The following FBRSL1 variants were observed in gnomAD, a reference collection of about 807,000 sequenced individuals.
The protein encoded by FBRSL1 is fibrosin like 1.
Under a neutral mutation model 89.6 loss-of-function variants are expected in FBRSL1, and 51 were observed. The ratio of observed to expected loss-of-function variants is 0.57; its 90% CI spans 0.45 to 0.72. The LOEUF (loss-of-function observed/expected upper bound fraction) is 0.72, where lower values mean the gene tolerates loss of function less well. Ranked by LOEUF, FBRSL1 falls within the 30% of genes least tolerant of loss-of-function variation. FBRSL1 has a pLI of 0.00. For synonymous variants in FBRSL1, 779 were observed against 681.1 expected (o/e 1.14, Z -2.24); for missense variants, 1,618 against 1,451.8 (o/e 1.11, Z -1.86).
At chr12:132,527,776 G>GGGGCTGCC (rs1159139181) in intron 3 of FBRSL1, among the ~76,000 whole-genome samples, 177 bp from the exon 4 acceptor site, 1 of 146,694 alleles carries the variant, frequency 6.8e-6, no homozygotes, top group Non-Finnish European at 1.5e-5. Context: ...TGTGGGCTGC[G>GGGGCTGCC]GGGCTGCCGG....
intron 4 of FBRSL1, among the ~76,000 whole-genome samples, chr12:132,537,691 G>T (rs1005230172): frequency 2.6e-5 from 4 of 152,190 alleles, no homozygotes; most frequent in Non-Finnish European, 4.4e-5. Context: ...CTTTGTGACA[G>T]TTGGGAGCCC....
chr12:132,555,066 C>G (rs1024656495), intron 5 of FBRSL1: 6 of 152,368 alleles, frequency 3.9e-5, no homozygotes, highest in Non-Finnish European at 8.8e-5. Flanking sequence ...CGACCTCCAC[C>G]GCAGACGACC....
Position 132,570,153 on chromosome 12 carries a change from C to G in FBRSL1, c.919C>G (p.Arg307Gly), listed in dbSNP as rs554905966. The change falls in exon 7 of 19, where the codon CGC becomes GGC. Residue 307 changes from arginine (R) to glycine (G), a missense_variant. Physicochemically the swap from Arg to Gly is moderately radical, Grantham distance 125. Transcript: ENST00000680143. Reference protein sequence around the residue: ...HTPQPPPPQPRGLLPTHVPAS... With the variant: ...HTPQPPPPQPGGLLPTHVPAS... ...CCCGCAGCCGCCACCCCCGCAGCCCCGCGGCCTGCTCCCGACACACGTGCC... is the reference window on the plus strand; with the variant it reads ...CCCGCAGCCGCCACCCCCGCAGCCCGGCGGCCTGCTCCCGACACACGTGCC... 4 of 1,491,718 alleles carry G rather than the reference C, an allele frequency of 2.7e-6. No homozygotes were observed. In the Admixed American group the frequency reaches 6.9e-5, roughly 26 times the overall value. The allele number at this position is 1,491,718 out of a possible 1,614,324, so 92.4% of individuals were successfully genotyped here.
At position 132,514,020 on chromosome 12, in the gene FBRSL1, C is replaced by A. The variant is rs868114995; in HGVS notation, c.489+5670C>A. Among the ~76,000 whole-genome samples the A allele has an allele frequency of 5.9e-5, 9 of 152,342 alleles. No homozygotes were observed. The Middle Eastern group carries it at 0.017, about 288-fold the overall frequency. On this transcript the variant is annotated intron_variant, in intron 2 of 18. Transcript: ENST00000680143. The stretch of plus-strand genomic sequence containing the variant: ...AGGTGAATAGCCACAGTCCCTCCCC[C>A]AGGCCCTGCCCTGCGTGTTGGAAAC...
rs1453445191 is a variant in FBRSL1, at chr12:132,570,223, A to G, written c.989A>G (p.Asn330Ser). Residue 330 changes from asparagine to serine, a missense_variant, in exon 7 of 19, where the codon AAC (asparagine) becomes AGC (serine). Coordinates refer to ENST00000680143, the MANE Select transcript of FBRSL1 (RefSeq NM_001367871.1). ...AFAGHSQAAA[N>S]GLHGLSRSSS... ...GCGGGCCACAGCCAGGCGGCAGCCA[A>G]CGGCCTGCACGGCCTCAGGTGGGGT... is the stretch of plus-strand genomic sequence containing the variant. The G allele has an allele frequency of 1.1e-5, 16 of 1,491,194 alleles. No homozygotes were observed. Among genetic ancestry groups the G allele is most frequent in the Middle Eastern group, 1.8e-4 (1 of 5,462 alleles). The allele number at this position is 1,491,194 out of a possible 1,614,324, so 92.4% of individuals were successfully genotyped here.
At chr12:132,514,820 G>A (rs1321655905) in intron 2 of FBRSL1, among the ~76,000 whole-genome samples, 1 of 152,170 alleles carries the variant, frequency 6.6e-6, no homozygotes, top group Non-Finnish European at 1.5e-5. Flanking sequence ...GAGTTAAGAA[G>A]AAATAAGTAA....
At chr12:132,555,216 G>A (rs1169895921) in intron 5 of FBRSL1, among the ~76,000 whole-genome samples, 2 of 152,246 alleles carry the variant, frequency 1.3e-5, no homozygotes, top group East Asian at 3.9e-4. Context: ...ACCTGTGCTG[G>A]GCACAGCTCT....
chr12:132,568,460 G>A (rs947028881), intron 6 of FBRSL1, among the ~76,000 whole-genome samples: 2 of 152,386 alleles, frequency 1.3e-5, no homozygotes, highest in South Asian at 2.1e-4. Flanking sequence ...TGCATGGGAC[G>A]GGCCCCGGTA....
intron 1 of FBRSL1, among the ~76,000 whole-genome samples, chr12:132,507,824 C>T (rs976717287): frequency 6.6e-6 from 1 of 152,114 alleles, no homozygotes; most frequent in Non-Finnish European, 1.5e-5. Flanking sequence ...TAGCCCTGGT[C>T]TCAGCAGGGA....
At chr12:132,562,850 C>T (rs1186281484) in intron 5 of FBRSL1, among the ~76,000 whole-genome samples, 4 of 152,128 alleles carry the variant, frequency 2.6e-5, no homozygotes, top group African/African-American at 9.7e-5. Context: ...CTTCCCATTC[C>T]AGCAAGAAGG....
chr12:132,524,287 C>G (rs1215055141), intron 2 of FBRSL1, among the ~76,000 whole-genome samples: 1 of 152,244 alleles, frequency 6.6e-6, no homozygotes, highest in Admixed American at 6.5e-5. Flanking sequence ...TCAGACTCCT[C>G]GGGGCTGCAT....
intron 2 of FBRSL1, among the ~76,000 whole-genome samples, chr12:132,515,187 G>A (rs903840676): frequency 1.3e-4 from 20 of 152,080 alleles, no homozygotes; most frequent in African/African-American, 4.6e-4. Flanking sequence ...GTGTCCTGCC[G>A]AGACCCAGGA....
At chr12:132,571,914 G>C in intron 9 of FBRSL1, 2 of 353,514 alleles carry the variant, frequency 5.7e-6, no homozygotes, top group East Asian at 1.0e-4. Context: ...CTGGGGGCTG[G>C]AGTCCCCTCC....
chr12:132,540,529 C>T (rs2037170873), intron 4 of FBRSL1, among the ~76,000 whole-genome samples: 1 of 151,862 alleles, frequency 6.6e-6, no homozygotes, highest in Non-Finnish European at 1.5e-5. Flanking sequence ...AGAGCCCAGC[C>T]CCACACTGTC....
chr12:132,572,482 G>A, intron 10 of FBRSL1, 45 bp from the exon 11 acceptor site: 1 of 1,504,840 alleles, frequency 6.6e-7, no homozygotes. Flanking sequence ...AGAGGGTGGG[G>A]TGAGGACTTG....
chr12:132,518,561 T>C (rs905313225), intron 2 of FBRSL1, among the ~76,000 whole-genome samples: 3 of 145,962 alleles, frequency 2.1e-5, no homozygotes, highest in Non-Finnish European at 4.5e-5. Context: ...TGTGCATCCA[T>C]CCATCTACCC....
chr12:132,497,349 T>C (rs2032210024), intron 1 of FBRSL1, among the ~76,000 whole-genome samples: 1 of 151,898 alleles, frequency 6.6e-6, no homozygotes, highest in African/African-American at 2.4e-5. Flanking sequence ...GTGGCCTGGC[T>C]GGCTCAGGAG....
intron 9 of FBRSL1, 134 bp from the exon 10 acceptor site, chr12:132,572,154 G>T: frequency 5.4e-6 from 4 of 746,774 alleles, no homozygotes; most frequent in South Asian, 5.3e-5. Flanking sequence ...GCCTGGGACG[G>T]CTGGCCGAAG....
At chr12:132,580,623 T>C (rs1242225829) in intron 15 of FBRSL1, among the ~76,000 whole-genome samples, 2 of 152,212 alleles carry the variant, frequency 1.3e-5, no homozygotes, top group African/African-American at 2.4e-5. Flanking sequence ...CTCTCTAGTT[T>C]AGAAGAGTGG....
Sources: allele counts gnomAD v4.1 joint callset (sites outside exome capture counted in the v4.1 genomes callset), GRCh38; gene constraint gnomAD v4.1.1; transcripts MANE v1.5; gene names NCBI Gene and HGNC (gene_info 2026-07-23, HGNC 2026-07-21).